The following CCDC102B variants were observed in gnomAD, a reference collection of about 807,000 sequenced individuals.
CCDC102B encodes coiled-coil domain-containing protein 102B.
CCDC102B carries 75 observed loss-of-function variants against 57.4 expected under a neutral mutation model. The ratio of observed to expected loss-of-function variants is 1.31; its 90% CI spans 1.08 to 1.58. The LOEUF is 1.58. CCDC102B is among the 40% of genes most tolerant of loss of function. The probability of loss-of-function intolerance (pLI) is 0.00; values close to 1 mark genes in which losing one functional copy is unlikely to be tolerated. For missense variants in CCDC102B, 636 were observed against 582.6 expected (o/e 1.09, Z -0.94); for synonymous variants, 206 against 201.9 (o/e 1.02, Z -0.17).
intron 6 of CCDC102B, among the ~76,000 whole-genome samples, chr18:68,931,282 A>G (rs1166665613): frequency 6.6e-6 from 1 of 151,972 alleles, no homozygotes; most frequent in East Asian, 1.9e-4. Flanking sequence ...CTTTATATGA[A>G]TACATTTTAA....
rs568406840 is a variant in CCDC102B at position 68,850,014 on chromosome 18, G to A, written c.936+3593G>A. Among the ~76,000 whole-genome samples, 26 of 152,098 alleles carry A rather than the reference G, an allele frequency of 1.7e-4. 1 individual carries two copies. Among genetic ancestry groups the A allele is most frequent in the East Asian group, 5.8e-4 (3 of 5,170 alleles). On this transcript the variant is annotated intron_variant, in intron 4 of 7. Transcript: ENST00000360242. The stretch of plus-strand genomic sequence containing the variant: ...TATATGGGCCAGGCTTGGGAGTAGC[G>A]TACATTATTTCCACTTATAATTCAC...
intron 6 of CCDC102B, among the ~76,000 whole-genome samples, chr18:69,009,205 CA>C: frequency 6.6e-6 from 1 of 152,310 alleles, no homozygotes; most frequent in South Asian, 2.1e-4. Context: ...TAGCCTTTGC[CA>C]GTCTGAAGAC....
intron 1 of CCDC102B, among the ~76,000 whole-genome samples, chr18:68,829,904 A>G (rs1175380853): frequency 6.6e-6 from 1 of 152,018 alleles, no homozygotes; most frequent in Non-Finnish European, 1.5e-5. Context: ...TAACAAATAA[A>G]TAGATTTTAA....
intron 3 of CCDC102B, among the ~76,000 whole-genome samples, chr18:68,843,025 C>T (rs994626465): frequency 6.6e-6 from 1 of 152,088 alleles, no homozygotes; most frequent in African/African-American, 2.4e-5. Flanking sequence ...TATAATTCTC[C>T]TGGAGATCTG....
chr18:68,994,597 C>G (rs1213626293), intron 6 of CCDC102B, among the ~76,000 whole-genome samples: 8 of 151,482 alleles, frequency 5.3e-5, no homozygotes, highest in Admixed American at 5.3e-4. Context: ...TGTGGTTCTT[C>G]TGACAGTGAG....
At position 69,017,545 on chromosome 18, in the gene CCDC102B, A is replaced by G. The variant is rs532993793; in HGVS notation, c.1434+6441A>G. Among the ~76,000 whole-genome samples, 5 of 152,320 alleles carry G rather than the reference A, an allele frequency of 3.3e-5. No individual in the cohort carries two copies. In the East Asian group the frequency reaches 9.6e-4, roughly 29 times the overall value. ...TATTTTAACCTTTTAAATAAAAATTATACATATATTTAATGTGTATAATGT... is the reference window on the plus strand; with the variant it reads ...TATTTTAACCTTTTAAATAAAAATTGTACATATATTTAATGTGTATAATGT... On this transcript the variant is annotated intron_variant, in intron 7 of 7. Transcript: ENST00000360242.
At chr18:68,978,543 C>G (rs10503135) in intron 6 of CCDC102B, among the ~76,000 whole-genome samples, 7,098 of 151,984 alleles carry the variant, frequency 0.047, 239 homozygotes, top group East Asian at 0.12. Context: ...AATATTTACA[C>G]TTCAAACTAA....
In CCDC102B at chr18:68,897,599, A is replaced by T. The variant is rs752138073; in HGVS notation, c.1263+171A>T. On this transcript the variant is annotated intron_variant, in intron 6 of 7. Coordinates refer to ENST00000360242, the MANE Select transcript of CCDC102B (RefSeq NM_024781.3). ...CTAGGATGTAAAATAACGTTCATGC[A>T]TCTGAAACAAAGTGTGTCAAATGTT... is the stretch of plus-strand genomic sequence containing the variant. 68 of 1,566,220 alleles carry T rather than the reference A, an allele frequency of 4.3e-5. No homozygotes were observed. The East Asian group carries it at 1.4e-3, about 32-fold the overall frequency.
At chr18:69,055,479 T>A (rs2052800775), downstream of CCDC102B, among the ~76,000 whole-genome samples, 1 of 152,068 alleles carries the variant, frequency 6.6e-6, no homozygotes, top group African/African-American at 2.4e-5. Context: ...ACCTCCTCTA[T>A]CCCATCATAT....
intron 6 of CCDC102B, among the ~76,000 whole-genome samples, chr18:68,998,114 G>C (rs976937030): frequency 1.3e-5 from 2 of 151,850 alleles, no homozygotes; most frequent in East Asian, 1.9e-4. Flanking sequence ...GATTACTCTA[G>C]CTCCTGACCT....
intron 2 of CCDC102B, among the ~76,000 whole-genome samples, chr18:68,744,703 C>T (rs1466257754): frequency 1.3e-5 from 2 of 152,266 alleles, no homozygotes; most frequent in African/African-American, 2.4e-5. Flanking sequence ...TCCCCGGCTG[C>T]GTGGTTACCC....
intron 6 of CCDC102B, among the ~76,000 whole-genome samples, chr18:68,954,719 A>G (rs1307260897): frequency 2.0e-5 from 3 of 152,200 alleles, no homozygotes; most frequent in Non-Finnish European, 1.5e-5. Flanking sequence ...GAATTATTTT[A>G]TAACTTCTAG....
At chr18:69,027,916 A>G (rs1323371022) in intron 7 of CCDC102B, among the ~76,000 whole-genome samples, 1 of 152,168 alleles carries the variant, frequency 6.6e-6, no homozygotes. Context: ...CAATTGGGGA[A>G]AACAAGAATA....
In CCDC102B at chr18:68,779,393, T is replaced by C. The variant is rs563379374; in HGVS notation, c.-66-43973T>C. On this transcript the variant is annotated intron_variant, in intron 2 of 3. Coordinates refer to the CCDC102B transcript ENST00000578970. Reference sequence around the variant, plus strand: ...GTCTAAGGATTGCTTAAGTCAAAGATTGCGTAAGCATAGCACAAAGATTGC... The same window carrying C: ...GTCTAAGGATTGCTTAAGTCAAAGACTGCGTAAGCATAGCACAAAGATTGC... Among the ~76,000 whole-genome samples, 18 of 152,252 alleles carry C rather than the reference T, an allele frequency of 1.2e-4. No individual in the cohort carries two copies. In the East Asian group the frequency reaches 3.1e-3, roughly 26 times the overall value.
intron 2 of CCDC102B, among the ~76,000 whole-genome samples, chr18:68,728,025 T>G (rs1599376408): frequency 1.3e-5 from 2 of 152,192 alleles, no homozygotes; most frequent in African/African-American, 2.4e-5. Context: ...ATCAAAGAAC[T>G]TCTAGTTTCT....
chr18:69,054,477 G>A lies in CCDC102B; in HGVS notation c.*340G>A, dbSNP rs1369061149. 5.9e-6 allele frequency: 6 copies of A among 1,010,764 alleles called. No homozygotes were observed. Among genetic ancestry groups the A allele is most frequent in the African/African-American group, 5.2e-5 (3 of 57,418 alleles). The allele number at this position is 1,010,764 out of a possible 1,614,324, so 62.6% of individuals were successfully genotyped here. A position where few individuals can be genotyped will look rare whatever the true frequency, so the allele number is the denominator to read the frequency against. Reference sequence around the variant, plus strand: ...AAGTAAGTTGAAAACCATACAAGACGCTGGGTCATTAATAAGAAAACCATT... The same window carrying A: ...AAGTAAGTTGAAAACCATACAAGACACTGGGTCATTAATAAGAAAACCATT... On this transcript the variant is annotated 3_prime_UTR_variant, in exon 8 of 8. Coordinates refer to ENST00000360242, the MANE Select transcript of CCDC102B (RefSeq NM_024781.3).
At chr18:68,956,351 A>AT (rs2049853457) in intron 6 of CCDC102B, among the ~76,000 whole-genome samples, 1 of 85,640 alleles carries the variant, frequency 1.2e-5, no homozygotes, top group Non-Finnish European at 2.2e-5. Context: ...TATATATATT[A>AT]ATATATATAA....
intron 6 of CCDC102B, among the ~76,000 whole-genome samples, chr18:68,923,063 T>A (rs535620876): frequency 6.6e-6 from 1 of 152,192 alleles, no homozygotes; most frequent in East Asian, 1.9e-4. Context: ...CAAAAGCCCC[T>A]GTTTCCTCCT....
intron 1 of CCDC102B, among the ~76,000 whole-genome samples, chr18:68,816,622 T>C (rs1201091247): frequency 3.3e-5 from 5 of 152,110 alleles, no homozygotes; most frequent in Admixed American, 6.5e-5. Flanking sequence ...CCCGCCACCA[T>C]GCCTGGCTAA....
Sources: allele counts gnomAD v4.1 joint callset (sites outside exome capture counted in the v4.1 genomes callset), GRCh38; gene constraint gnomAD v4.1.1; transcripts MANE v1.5; gene names NCBI Gene and HGNC (gene_info 2026-07-23, HGNC 2026-07-21).